CNTN4: variants seen among roughly 807,000 people sequenced by gnomAD.
CNTN4 encodes contactin-4.
CNTN4 carries 77 observed loss-of-function variants against 122.5 expected under a neutral mutation model. The observed-to-expected ratio is 0.63, with a 90% confidence interval of 0.52 to 0.76. The LOEUF (loss-of-function observed/expected upper bound fraction) is 0.76. Ranked by LOEUF, CNTN4 falls within the 30% of genes least tolerant of loss-of-function variation. The probability of loss-of-function intolerance (pLI) is 0.00; values close to 1 mark genes in which losing one functional copy is unlikely to be tolerated. For missense variants in CNTN4, 1,256 were observed against 1,259.1 expected (o/e 1.00, Z 0.04); for synonymous variants, 512 against 447.0 (o/e 1.15, Z -1.83).
At chr3:2,345,562 T>G (rs2044370352) in intron 3 of CNTN4, among the ~76,000 whole-genome samples, 1 of 152,178 alleles carries the variant, frequency 6.6e-6, no homozygotes, top group African/African-American at 2.4e-5. Flanking sequence ...CAACAACTAT[T>G]TTTGGGAAGC....
intron 6 of CNTN4, among the ~76,000 whole-genome samples, chr3:2,760,141 T>G (rs1409962531): frequency 6.6e-6 from 1 of 152,222 alleles, no homozygotes; most frequent in African/African-American, 2.4e-5. Flanking sequence ...ATTTTCATTT[T>G]CTTGATGGTG....
In CNTN4 at chr3:2,299,121, T is replaced by C. The variant is rs377313014; in HGVS notation, c.-144-40057T>C. 5.0e-4 allele frequency among the ~76,000 whole-genome samples: 76 copies of C among 152,174 alleles called. 1 individual carries two copies. The East Asian group carries it at 7.1e-3, about 14-fold the overall frequency. ...GTAACTGTGCTAATATCCAGTGAAA[T>C]TGAAAATGGACAGGAAATCTTTATA... On this transcript the variant is annotated intron_variant, in intron 2 of 24. Transcript: ENST00000418658.
intron 2 of CNTN4, among the ~76,000 whole-genome samples, chr3:2,332,600 A>G (rs150983601): frequency 0.026 from 3,961 of 152,024 alleles, 76 homozygotes; most frequent in Non-Finnish European, 0.043. Flanking sequence ...GCTCTTACAT[A>G]TAAGACTTTT....
intron 14 of CNTN4, among the ~76,000 whole-genome samples, chr3:3,023,676 T>C (rs1698480425): frequency 3.3e-5 from 5 of 152,196 alleles, no homozygotes; most frequent in Admixed American, 6.5e-5. Flanking sequence ...GAGCCACCAT[T>C]TTAGGCATAA....
intron 4 of CNTN4, among the ~76,000 whole-genome samples, chr3:2,576,479 T>G (rs1212154060): frequency 6.6e-6 from 1 of 152,192 alleles, no homozygotes; most frequent in African/African-American, 2.4e-5. Flanking sequence ...CTGTGTGCCT[T>G]GAAGTCTATA....
chr3:2,475,110 C>G (rs1319800659), intron 3 of CNTN4, among the ~76,000 whole-genome samples: 10 of 152,128 alleles, frequency 6.6e-5, no homozygotes, highest in African/African-American at 2.4e-4. Flanking sequence ...TTTCTTCATA[C>G]TGTTGTAGGC....
chr3:2,480,653 C>G lies in CNTN4; in HGVS notation c.-88-90763C>G, dbSNP rs575828436. Among the ~76,000 whole-genome samples, 33 of 152,320 alleles carry G rather than the reference C, an allele frequency of 2.2e-4. No individual in the cohort carries two copies. The South Asian group carries it at 6.6e-3, about 31-fold the overall frequency. ...TATTTCATGTTTATACATAGGAAGA[C>G]TCCATATTGTGAGGAGGTCAGTTTT... On this transcript the variant is annotated intron_variant, in intron 3 of 24. Transcript: ENST00000418658.
At chr3:2,701,500 A>G (rs576631769) in intron 4 of CNTN4, among the ~76,000 whole-genome samples, 1 of 152,362 alleles carries the variant, frequency 6.6e-6, no homozygotes, top group South Asian at 2.1e-4. Flanking sequence ...GCTGCAATTC[A>G]GAAGGTTCTG....
At chr3:2,107,591 T>C in intron 2 of CNTN4, among the ~76,000 whole-genome samples, 1 of 152,110 alleles carries the variant, frequency 6.6e-6, no homozygotes, top group East Asian at 1.9e-4. Context: ...GGGATTACAA[T>C]TTGAGATAAG....
At chr3:3,026,391 T>C (rs1281428625) in intron 15 of CNTN4, 114 bp downstream of exon 15, 1 of 899,832 alleles carries the variant, frequency 1.1e-6, no homozygotes, top group Non-Finnish European at 1.8e-6. Flanking sequence ...CAAGAAACTC[T>C]TGGTTAATTC....
At chr3:2,149,417 C>A (rs1472188883) in intron 2 of CNTN4, among the ~76,000 whole-genome samples, 1 of 152,082 alleles carries the variant, frequency 6.6e-6, no homozygotes, top group African/African-American at 2.4e-5. Flanking sequence ...CCATAAATTA[C>A]CAATTTGAGA....
intron 4 of CNTN4, among the ~76,000 whole-genome samples, chr3:2,654,563 A>T (rs1397758041): frequency 6.6e-6 from 1 of 152,210 alleles, no homozygotes; most frequent in Non-Finnish European, 1.5e-5. Flanking sequence ...GGGAATGAGT[A>T]AAAATGGTGT....
chr3:2,576,551 C>CTTTTTTTTTTT (rs11313015), intron 4 of CNTN4, among the ~76,000 whole-genome samples: 1 of 131,226 alleles, frequency 7.6e-6, no homozygotes, highest in East Asian at 2.3e-4. Context: ...CTGTTTTTTT[C>CTTTTTTTTTTT]TTTTTTTTTT....
intron 4 of CNTN4, among the ~76,000 whole-genome samples, chr3:2,685,731 G>A (rs1033169854): frequency 2.6e-5 from 4 of 151,960 alleles, no homozygotes; most frequent in African/African-American, 9.7e-5. Context: ...ACACTTATCT[G>A]TTTTTCCTTG....
chr3:2,187,730 A>G (rs1391546280), intron 2 of CNTN4, among the ~76,000 whole-genome samples: 1 of 152,170 alleles, frequency 6.6e-6, no homozygotes, highest in East Asian at 1.9e-4. Flanking sequence ...ATATCAAAGC[A>G]GGACCACCTT....
intron 10 of CNTN4, among the ~76,000 whole-genome samples, chr3:2,898,725 AT>A (rs1477738226): frequency 1.3e-5 from 2 of 151,990 alleles, no homozygotes; most frequent in Admixed American, 6.6e-5. Flanking sequence ...TTGCCCTTCC[AT>A]TTTTTTCCTC....
intron 7 of CNTN4, among the ~76,000 whole-genome samples, chr3:2,830,500 G>C (rs2093081202): frequency 6.6e-6 from 1 of 152,186 alleles, no homozygotes. Flanking sequence ...GAGTTGTCCT[G>C]TCCCAGAAAG....
At chr3:2,314,730 A>G (rs2043033817) in intron 2 of CNTN4, among the ~76,000 whole-genome samples, 1 of 152,036 alleles carries the variant, frequency 6.6e-6, no homozygotes. Flanking sequence ...AAGAAATACA[A>G]TTACAATTAT....
At chr3:2,861,216 T>C (rs970902910) in intron 7 of CNTN4, among the ~76,000 whole-genome samples, 29 of 152,170 alleles carry the variant, frequency 1.9e-4, no homozygotes, top group African/African-American at 6.5e-4. Context: ...CAAGACTCAA[T>C]TCATGTCTCT....
Sources: gnomAD v4.1 joint callset for allele counts (sites outside exome capture counted in the v4.1 genomes callset) on GRCh38, gnomAD v4.1.1 for gene constraint, MANE v1.5 for transcripts, NCBI Gene and HGNC (gene_info 2026-07-23, HGNC 2026-07-21) for gene names.